HBP1: variants seen among roughly 807,000 people sequenced by gnomAD.
HBP1 encodes HMG box-containing protein 1.
A neutral mutation model predicts 62.6 loss-of-function variants in HBP1; 20 were observed. That is an observed-to-expected ratio of 0.32 (90% CI 0.22 to 0.46). HBP1 has a LOEUF of 0.46. Ranked by LOEUF, HBP1 falls within the 20% of genes least tolerant of loss-of-function variation. The pLI is 1.00. For synonymous variants in HBP1, 232 were observed against 206.2 expected, an observed-to-expected ratio of 1.12 and a Z score of -1.07; for missense variants, 480 against 611.8, an observed-to-expected ratio of 0.78 and a Z score of 2.27.
intron 1 of HBP1, among the ~76,000 whole-genome samples, chr7:107,178,941 G>T (rs1370227083): frequency 6.6e-6 from 1 of 152,200 alleles, no homozygotes; most frequent in Non-Finnish European, 1.5e-5. Flanking sequence ...GGGTTAGGCA[G>T]GAGAATCGCT....
At chr7:107,186,156 C>CTTTTTTTTTTTTTTTTTTTT (rs946488645) in intron 4 of HBP1, among the ~76,000 whole-genome samples, 1 of 127,274 alleles carries the variant, frequency 7.9e-6, no homozygotes, top group Non-Finnish European at 1.7e-5. Context: ...TCTTTTTTTT[C>CTTTTTTTTTTTTTTTTTTTT]TTTTTTTTTC....
In HBP1 at chr7:107,195,867, T is replaced by C; in HGVS notation, c.1101T>C (p.Val367=). The C allele has an allele frequency of 6.2e-7, 1 of 1,608,582 alleles. No homozygotes were observed. The highest frequency in any genetic ancestry group is 8.5e-7 in the Non-Finnish European group (1 of 1,175,072). ...TCACACCTATGGATTCTTCTGCAGT[T>C]TATGTGTTAAGTAGTATGGCTCGCC... ...YDFTPMDSSA[V]YVLSSMARQR... is the part of the protein sequence containing the mutation. The change falls in exon 9 of 11, where the codon GTT becomes GTC. Residue 367 remains valine, a synonymous_variant. Coordinates refer to ENST00000222574, the MANE Select transcript of HBP1 (RefSeq NM_012257.4).
At chr7:107,195,783 C>A (rs1200762990) in intron 8 of HBP1, 51 bp from the exon 9 acceptor site, 18 of 796,084 alleles carry the variant, frequency 2.3e-5, no homozygotes, top group South Asian at 4.0e-5. Context: ...TTTTAGAAAT[C>A]AGAGAATTCA....
At position 107,171,068 on chromosome 7, in the gene HBP1, TATA is replaced by T. The variant is rs1194250046; in HGVS notation, c.-16+1884_-16+1886del. Among the ~76,000 whole-genome samples, 97 of 63,156 alleles carry T rather than the reference TATA, an allele frequency of 1.5e-3. 5 individuals carry two copies. The highest frequency in any genetic ancestry group is 3.9e-3 in the Admixed American group (20 of 5,168). The allele number at this position is 63,156 out of a possible 152,430, so 41.4% of individuals were successfully genotyped here. On this transcript the variant is annotated intron_variant, in intron 1 of 10. Coordinates refer to ENST00000222574, the MANE Select transcript of HBP1 (RefSeq NM_012257.4). ...ATAAATATATATATATATATATATA[TATA>T]TATTTTTTTTTTTTTTTGAGAGGGA...
At chr7:107,201,379 G>C (rs1346629030) in intron 10 of HBP1, 35 bp from the exon 11 acceptor site, 2 of 1,424,302 alleles carry the variant, frequency 1.4e-6, no homozygotes, top group Non-Finnish European at 9.9e-7. Flanking sequence ...GTATTGATTT[G>C]TAAACATTCA....
At chr7:107,170,336 T>C (rs1199008307) in intron 1 of HBP1, among the ~76,000 whole-genome samples, 1 of 152,246 alleles carries the variant, frequency 6.6e-6, no homozygotes, top group African/African-American at 2.4e-5. Context: ...AAAGGTACTT[T>C]TTGAGAATTA....
intron 2 of HBP1, among the ~76,000 whole-genome samples, chr7:107,181,168 G>A (rs997768737): frequency 1.3e-5 from 2 of 152,144 alleles, no homozygotes; most frequent in Non-Finnish European, 2.9e-5. Context: ...TGGATATCCC[G>A]AGTCAGTGCT....
Position 107,185,680 on chromosome 7 carries a change from G to A in HBP1, c.399-121G>A. ...ATGAAATCTTGCTGTCTTTACTAGT[G>A]TTTACCATAAATGTGTTCAATGTAA... On this transcript the variant is annotated intron_variant, in intron 3 of 10. Coordinates refer to ENST00000222574, the MANE Select transcript of HBP1 (RefSeq NM_012257.4). 3 of 668,954 alleles carry A rather than the reference G, an allele frequency of 4.5e-6. No homozygotes were observed. In the South Asian group the frequency reaches 8.3e-5, roughly 19 times the overall value. 41.4% of individuals were successfully genotyped at this position (668,954 alleles called of 1,614,324 possible).
intron 7 of HBP1, 44 bp from the exon 8 acceptor site, chr7:107,190,129 T>G: frequency 2.0e-6 from 3 of 1,511,794 alleles, no homozygotes; most frequent in Non-Finnish European, 2.7e-6. Flanking sequence ...AGTAGGGTGC[T>G]TTCTGTGAGT....
chr7:107,182,597 A>C lies in HBP1; in HGVS notation c.394A>C (p.Asn132His), dbSNP rs1246419792. 6.7e-7 allele frequency: 1 copy of C among 1,496,900 alleles called. No homozygotes were observed. 92.7% of individuals were successfully genotyped at this position (1,496,900 alleles called of 1,614,324 possible). The change falls in exon 3 of 11, where the codon AAT becomes CAT. Residue 132 changes from asparagine to histidine, a missense_variant. By Grantham distance (68) the Asn-to-His change is moderately conservative. Transcript: ENST00000222574. Reference protein sequence around the residue: ...QSPLMQCSFYNRSSPVHIIAT... With the variant: ...QSPLMQCSFYHRSSPVHIIAT... ...TCCACTGATGCAGTGCTCATTTTACAATAGGTAGGAGCATTTATTATATTT... is the reference window on the plus strand; with the variant it reads ...TCCACTGATGCAGTGCTCATTTTACCATAGGTAGGAGCATTTATTATATTT...
intron 1 of HBP1, chr7:107,169,786 G>T (rs1157774963): frequency 7.1e-6 from 7 of 985,030 alleles, no homozygotes; most frequent in Non-Finnish European, 6.0e-6. Context: ...AACAAGCCCG[G>T]AGTCCGGGCT....
rs79885033 is a variant in HBP1, at chr7:107,169,765, C to G, written c.-16+580C>G. The stretch of plus-strand genomic sequence containing the variant: ...CAGGCGCCTGCGCGCTGGGGCTGAG[C>G]CGAGGGGAAAAACAAGCCCGGAGTC... On this transcript the variant is annotated intron_variant, in intron 1 of 10. Coordinates refer to ENST00000222574, the MANE Select transcript of HBP1 (RefSeq NM_012257.4). 2.0e-3 allele frequency: 1,925 copies of G among 984,640 alleles called. 22 individuals are homozygous for G. The African/African-American group carries it at 0.025, about 13-fold the overall frequency. 61.0% of individuals were successfully genotyped at this position (984,640 alleles called of 1,614,324 possible). A position where few individuals can be genotyped will look rare whatever the true frequency, so the allele number is the denominator to read the frequency against.
chr7:107,183,601 TTTTA>T (rs1264941552), intron 3 of HBP1, among the ~76,000 whole-genome samples: 3 of 152,108 alleles, frequency 2.0e-5, no homozygotes, highest in East Asian at 1.9e-4. Context: ...CTAAAAATTC[TTTTA>T]TTTATTTATT....
rs761182181 is a variant in HBP1 at position 107,201,437 on chromosome 7, G to C, written c.*6G>C. On this transcript the variant is annotated 3_prime_UTR_variant, in exon 11 of 11. Transcript: ENST00000222574. The stretch of plus-strand genomic sequence containing the variant: ...AGGGCTCACAACAACATTAAACCAG[G>C]ATGCTTATGTTCTTAAGTCTATATT... 58 of 1,568,390 alleles carry C rather than the reference G, an allele frequency of 3.7e-5. No homozygotes were observed. Among genetic ancestry groups the C allele is most frequent in the Middle Eastern group, 3.3e-4 (2 of 5,982 alleles).
intron 8 of HBP1, 43 bp from the exon 9 acceptor site, chr7:107,195,791 T>A (rs369644884): frequency 3.1e-5 from 29 of 937,396 alleles, no homozygotes; most frequent in Non-Finnish European, 2.2e-5. Context: ...ATCAGAGAAT[T>A]CAAAATTGAA....
intron 1 of HBP1, among the ~76,000 whole-genome samples, chr7:107,177,672 T>C (rs1013408710): frequency 6.6e-6 from 1 of 152,124 alleles, no homozygotes; most frequent in African/African-American, 2.4e-5. Flanking sequence ...AAAAATAACA[T>C]AGGAAAATGC....
intron 8 of HBP1, among the ~76,000 whole-genome samples, chr7:107,195,375 G>T (rs189932979): frequency 4.9e-4 from 75 of 152,222 alleles, no homozygotes; most frequent in African/African-American, 1.8e-3. Flanking sequence ...CCAACCATTT[G>T]TTTTCTATAG....
intron 1 of HBP1, chr7:107,174,584 T>G: frequency 1.0e-6 from 1 of 985,364 alleles, no homozygotes; most frequent in Non-Finnish European, 1.2e-6. Context: ...AAGTTCTAGC[T>G]GGAAAGAATG....
rs765078298 is a variant in HBP1, at chr7:107,195,996, C to T, written c.1230C>T (p.Ser410=). 2 of 1,613,884 alleles carry T rather than the reference C, an allele frequency of 1.2e-6. No individual in the cohort carries two copies. Among genetic ancestry groups the T allele is most frequent in the African/African-American group, 1.3e-5 (1 of 74,884 alleles). The change falls in exon 9 of 11, where the codon TCC becomes TCT. Residue 410 remains serine (S), a synonymous_variant. Coordinates refer to ENST00000222574, the MANE Select transcript of HBP1 (RefSeq NM_012257.4). ...CGSPGSSQLS[S]NSLYAKAVKN... ...CACCTGGATCATCACAGCTCTCTTC[C>T]AATTCTTTGTATGCTAAAGCTGTCA...
Sources: allele counts gnomAD v4.1 joint callset (sites outside exome capture counted in the v4.1 genomes callset), GRCh38; gene constraint gnomAD v4.1.1; transcripts MANE v1.5; gene names NCBI Gene and HGNC (gene_info 2026-07-23, HGNC 2026-07-21).